Variants in PGM2 observed in about 807,000 individuals in gnomAD.
PGM2 encodes the protein phosphopentomutase.
Under a neutral mutation model 74.6 loss-of-function variants are expected in PGM2, and 57 were observed. The ratio of observed to expected loss-of-function variants is 0.76; its 90% CI spans 0.62 to 0.95. PGM2 has a LOEUF of 0.95. Ranked by LOEUF, PGM2 falls within the 40% of genes least tolerant of loss-of-function variation. The pLI is 0.00. For synonymous variants in PGM2, 273 were observed against 260.7 expected (o/e 1.05, Z -0.46); for missense variants, 706 against 741.9 (o/e 0.95, Z 0.56).
chr4:37,855,433 T>G (rs1726167584), intron 12 of PGM2, among the ~76,000 whole-genome samples, 175 bp from the exon 13 acceptor site: 1 of 152,264 alleles, frequency 6.6e-6, no homozygotes, highest in Non-Finnish European at 1.5e-5. Flanking sequence ...ATTCATAAAT[T>G]ACTATCGTTT....
chr4:37,861,008 G>C (rs753477899), intron 13 of PGM2, among the ~76,000 whole-genome samples: 1 of 152,078 alleles, frequency 6.6e-6, no homozygotes, highest in Non-Finnish European at 1.5e-5. Flanking sequence ...CCCTATTGCT[G>C]TTCATTCTAG....
chr4:37,861,597 G>T lies in PGM2; in HGVS notation c.1824G>T (p.Gln608His). 1 of 1,610,198 alleles carries T rather than the reference G, an allele frequency of 6.2e-7. No individual in the cohort carries two copies. Among genetic ancestry groups the T allele is most frequent in the Non-Finnish European group, 8.5e-7 (1 of 1,176,580 alleles). The change falls in exon 14 of 14, where the codon CAG (glutamine) becomes CAT (histidine). Residue 608 changes from glutamine to histidine, a missense_variant. Gln to His is a conservative substitution (Grantham distance 24). Around this residue, in one of 3 missense-constraint regions of PGM2, gnomAD observed 359 missense variants for 371.1 expected, o/e 0.97. Transcript: ENST00000381967. ...HFFQPQKYNL[Q>H]PKAD ...TCCAGCCACAGAAGTACAATCTGCA[G>T]CCAAAAGCAGACTAAAATAGTCCAG...
intron 6 of PGM2, among the ~76,000 whole-genome samples, chr4:37,843,744 G>A (rs1048911446): frequency 6.6e-6 from 1 of 151,732 alleles, no homozygotes; most frequent in African/African-American, 2.4e-5. Context: ...CAAGTATCTG[G>A]GATTACAGGC....
Position 37,847,290 on chromosome 4 carries a change from C to G in PGM2, c.1277C>G (p.Ala426Gly). ...GKTVLFAFEE[A>G]IGYMCCPFVL... ...ACTGTTTTATTTGCATTTGAAGAAG[C>G]TATTGGTAAGAAGTGATCATGAACA... is the stretch of plus-strand genomic sequence containing the variant. The change falls in exon 10 of 14, where the codon GCT becomes GGT. Residue 426 changes from alanine (A) to glycine (G), a missense_variant. Ala to Gly is a moderately conservative substitution (Grantham distance 60). Around this residue, in one of 3 missense-constraint regions of PGM2, gnomAD observed 359 missense variants for 371.1 expected, o/e 0.97. Coordinates refer to ENST00000381967, the MANE Select transcript of PGM2 (RefSeq NM_018290.4). The G allele has an allele frequency of 1.9e-6, 3 of 1,606,842 alleles. No individual in the cohort carries two copies. Among genetic ancestry groups the G allele is most frequent in the South Asian group, 1.1e-5 (1 of 90,914 alleles).
At position 37,840,108 on chromosome 4, in the gene PGM2, A is replaced by G. The variant is rs977162803; in HGVS notation, c.568A>G (p.Lys190Glu). ...NGAQIISPHD[K>E]GISQAIEENL... Reference sequence around the variant, plus strand: ...AGCTCAGATCATTTCTCCTCACGATAAAGGGATTTCTCAAGCTATTGAAGA... The same window carrying G: ...AGCTCAGATCATTTCTCCTCACGATGAAGGGATTTCTCAAGCTATTGAAGA... The change falls in exon 6 of 14, where the codon AAA becomes GAA. Residue 190 changes from lysine to glutamate, a missense_variant. Physicochemically the swap from Lys to Glu is moderately conservative, Grantham distance 56. This residue lies in a region of PGM2 where 332 missense variants were observed against 334.9 expected (regional missense o/e 0.99). Transcript: ENST00000381967. 4 of 1,614,002 alleles carry G rather than the reference A, an allele frequency of 2.5e-6. No homozygotes were observed. Among genetic ancestry groups the G allele is most frequent in the Middle Eastern group, 1.6e-4 (1 of 6,062 alleles).
chr4:37,841,072 G>GTATATACATATATA (rs1725703494), intron 6 of PGM2, among the ~76,000 whole-genome samples: 1 of 113,800 alleles, frequency 8.8e-6, no homozygotes, highest in Non-Finnish European at 1.7e-5. Context: ...ATATGCAAGC[G>GTATATACATATATA]TATATATATA....
Position 37,862,403 on chromosome 4 carries a change from G to A in PGM2, c.*791G>A, listed in dbSNP as rs1045569376. On this transcript the variant is annotated 3_prime_UTR_variant, in exon 14 of 14. Coordinates refer to ENST00000381967, the MANE Select transcript of PGM2 (RefSeq NM_018290.4). ...TAATGTAATTCCTGGTTTGGAGGCA[G>A]CAAGACCTATGAGCAAGAACTATTT... 6.6e-6 allele frequency: 1 copy of A among 152,074 alleles called. No homozygotes were observed. Among genetic ancestry groups the A allele is most frequent in the African/African-American group, 2.4e-5 (1 of 41,438 alleles). The allele number at this position is 152,074 out of a possible 1,614,324, so 9.4% of individuals were successfully genotyped here.
chr4:37,831,300 A>G (rs1725437063), intron 2 of PGM2, among the ~76,000 whole-genome samples: 1 of 152,066 alleles, frequency 6.6e-6, no homozygotes, highest in Admixed American at 6.6e-5. Context: ...GAATGGGGTA[A>G]GTATGGGAAT....
chr4:37,854,742 A>T lies in PGM2; in HGVS notation c.1603-866A>T, dbSNP rs191237577. On this transcript the variant is annotated intron_variant, in intron 12 of 13. Transcript: ENST00000381967. ...AGATTCACTTTATAACAGTAAATAT[A>T]ATCTAGTTTGAGGTTTTTTTTTGTG... is the stretch of plus-strand genomic sequence containing the variant. Among the ~76,000 whole-genome samples the T allele has an allele frequency of 6.7e-4, 102 of 151,856 alleles. 1 individual carries two copies. The East Asian group carries it at 0.016, about 24-fold the overall frequency.
intron 13 of PGM2, among the ~76,000 whole-genome samples, chr4:37,856,202 G>A (rs10030723): frequency 0.093 from 14,121 of 151,804 alleles, 1,263 homozygotes; most frequent in African/African-American, 0.22. Context: ...TGGCTAACAC[G>A]GTGAAACCCC....
intron 5 of PGM2, 32 bp downstream of exon 5, chr4:37,839,963 C>T: frequency 6.7e-7 from 1 of 1,485,202 alleles, no homozygotes; most frequent in Non-Finnish European, 9.4e-7. Context: ...ACACGTACAT[C>T]CTTCTGTAGG....
At chr4:37,858,875 G>A (rs1013040909) in intron 13 of PGM2, among the ~76,000 whole-genome samples, 17 of 152,088 alleles carry the variant, frequency 1.1e-4, no homozygotes, top group African/African-American at 4.1e-4. Flanking sequence ...CAAACCTACA[G>A]AAATGTTGGA....
At chr4:37,829,935 G>T (rs753664870) in intron 1 of PGM2, 29 bp from the exon 2 acceptor site, 1 of 1,472,704 alleles carries the variant, frequency 6.8e-7, no homozygotes, top group Non-Finnish European at 9.2e-7. Flanking sequence ...TCACTTGTCT[G>T]GCTGTGTCTA....
chr4:37,829,761 A>G (rs952258594), intron 1 of PGM2, among the ~76,000 whole-genome samples: 1 of 152,138 alleles, frequency 6.6e-6, no homozygotes, highest in African/African-American at 2.4e-5. Context: ...GCTTACCTTG[A>G]CAGGAAAGAA....
At chr4:37,852,515 C>T (rs1029843305) in intron 12 of PGM2, among the ~76,000 whole-genome samples, 1 of 152,160 alleles carries the variant, frequency 6.6e-6, no homozygotes, top group Non-Finnish European at 1.5e-5. Context: ...CCTCTAATAG[C>T]TTTCTGAGAA....
chr4:37,833,806 G>A (rs948971609), intron 2 of PGM2, among the ~76,000 whole-genome samples: 13 of 152,242 alleles, frequency 8.5e-5, no homozygotes, highest in Middle Eastern at 3.4e-3. Flanking sequence ...AGGTATTATT[G>A]TTATTCCTGT....
intron 2 of PGM2, among the ~76,000 whole-genome samples, chr4:37,833,006 C>T (rs1302526849): frequency 1.3e-5 from 2 of 151,612 alleles, no homozygotes; most frequent in South Asian, 4.2e-4. Context: ...GCTTTTTTGC[C>T]CCATGGAGCA....
intron 8 of PGM2, among the ~76,000 whole-genome samples, chr4:37,846,268 T>C (rs1725868774): frequency 6.6e-6 from 1 of 152,096 alleles, no homozygotes; most frequent in South Asian, 2.1e-4. Flanking sequence ...CCAAGCAATT[T>C]TGGGCGTCAG....
intron 3 of PGM2, among the ~76,000 whole-genome samples, chr4:37,837,194 T>C (rs1725591770): frequency 6.6e-6 from 1 of 152,190 alleles, no homozygotes; most frequent in Non-Finnish European, 1.5e-5. Flanking sequence ...GGTGCAGACT[T>C]GCCCTGGCTG....
Sources: gnomAD v4.1 joint callset for allele counts (sites outside exome capture counted in the v4.1 genomes callset) on GRCh38, gnomAD v4.1.1 for gene constraint, gnomAD v4.1.1 regional missense constraint, MANE v1.5 for transcripts, NCBI Gene and HGNC (gene_info 2026-07-23, HGNC 2026-07-21) for gene names.